Variants in GALNT13 observed in about 807,000 individuals in gnomAD.
The protein encoded by GALNT13 is UDP-GalNAc:polypeptide N-acetylgalactosaminyltransferase 13.
In GALNT13, 28 loss-of-function variants were observed where a neutral mutation model predicts 64.2. The observed-to-expected ratio is 0.44, with a 90% CI of 0.32 to 0.60. The LOEUF is 0.60. GALNT13 is among the 20% of genes least tolerant of loss of function. The probability of loss-of-function intolerance (pLI) is 0.05; values close to 1 mark genes in which losing one functional copy is unlikely to be tolerated. For synonymous variants in GALNT13, 214 were observed against 224.6 expected, an observed-to-expected ratio of 0.95 and a Z score of 0.42; for missense variants, 577 against 669.8, an observed-to-expected ratio of 0.86 and a Z score of 1.53.
the GALNT13 span, among the ~76,000 whole-genome samples, chr2:153,107,903 T>G: frequency 2.0e-5 from 3 of 152,148 alleles, no homozygotes; most frequent in Non-Finnish European, 4.4e-5. Flanking sequence ...GGTAATTGTT[T>G]ATAAGTTAAA....
intron 1 of GALNT13, among the ~76,000 whole-genome samples, chr2:153,885,255 G>T (rs564538244): frequency 7.7e-4 from 117 of 151,910 alleles, no homozygotes; most frequent in Non-Finnish European, 1.4e-3. Flanking sequence ...TTAGACTAAA[G>T]GTGTTCATTG....
chr2:154,206,261 A>G (rs1399192337), intron 4 of GALNT13, among the ~76,000 whole-genome samples: 5 of 151,730 alleles, frequency 3.3e-5, no homozygotes, highest in Non-Finnish European at 5.9e-5. Context: ...TCGGCCTCCC[A>G]AAGTGCTGGG....
At chr2:154,185,982 G>A (rs1255971090) in intron 4 of GALNT13, among the ~76,000 whole-genome samples, 2 of 151,862 alleles carry the variant, frequency 1.3e-5, no homozygotes, top group African/African-American at 2.4e-5. Context: ...TCCAAATATA[G>A]CATATTTCAT....
chr2:153,959,793 C>T (rs67932773), intron 3 of GALNT13, among the ~76,000 whole-genome samples: 8,575 of 152,202 alleles, frequency 0.056, 352 homozygotes, highest in South Asian at 0.11. Context: ...GTCAGAGAGG[C>T]GGGCCCCACA....
At chr2:154,143,324 A>T (rs989976227) in intron 4 of GALNT13, among the ~76,000 whole-genome samples, 1 of 152,078 alleles carries the variant, frequency 6.6e-6, no homozygotes, top group African/African-American at 2.4e-5. Flanking sequence ...GGTTCCTATA[A>T]CAGGCCAGGA....
the GALNT13 span, among the ~76,000 whole-genome samples, chr2:153,114,291 C>T: frequency 3.3e-5 from 5 of 152,094 alleles, no homozygotes; most frequent in African/African-American, 1.2e-4. Flanking sequence ...TTTTCTCTCC[C>T]TGAGGCTGCT....
intron 8 of GALNT13, among the ~76,000 whole-genome samples, chr2:154,271,076 G>C (rs890724551): frequency 2.0e-5 from 3 of 151,846 alleles, no homozygotes; most frequent in East Asian, 1.9e-4. Context: ...TTAGTGGCTG[G>C]TCATGAAAAC....
chr2:154,318,841 C>T, intron 9 of GALNT13, among the ~76,000 whole-genome samples: 1 of 151,980 alleles, frequency 6.6e-6, no homozygotes, highest in South Asian at 2.1e-4. Context: ...TTGTACATGC[C>T]TCTACATTTT....
the GALNT13 span, among the ~76,000 whole-genome samples, chr2:153,702,497 G>T: frequency 6.6e-6 from 1 of 151,982 alleles, no homozygotes; most frequent in African/African-American, 2.4e-5. Context: ...AAGAGCTTAG[G>T]CCCGTATGGT....
the GALNT13 span, among the ~76,000 whole-genome samples, chr2:153,109,835 G>A: frequency 2.0e-5 from 3 of 152,020 alleles, no homozygotes; most frequent in Non-Finnish European, 4.4e-5. Context: ...GAGCTGTATC[G>A]GGTTTGAAAG....
At chr2:153,543,711 A>G in the GALNT13 span, among the ~76,000 whole-genome samples, 1 of 151,962 alleles carries the variant, frequency 6.6e-6, no homozygotes, top group Admixed American at 6.5e-5. Flanking sequence ...TTGTCAAAAC[A>G]GTACAAGAAA....
chr2:153,098,554 A>C, the GALNT13 span, among the ~76,000 whole-genome samples: 1 of 152,180 alleles, frequency 6.6e-6, no homozygotes, highest in Non-Finnish European at 1.5e-5. Flanking sequence ...TGTATTTTTC[A>C]TGACTTAAAA....
At chr2:154,423,889 G>A (rs889226542) in intron 11 of GALNT13, among the ~76,000 whole-genome samples, 1 of 152,144 alleles carries the variant, frequency 6.6e-6, no homozygotes, top group African/African-American at 2.4e-5. Context: ...TATAATGTGA[G>A]TCATAGTGAT....
At chr2:153,871,340 A>G (rs548145081), upstream of GALNT13, among the ~76,000 whole-genome samples, 10 of 152,286 alleles carry the variant, frequency 6.6e-5, no homozygotes, top group East Asian at 1.9e-3. Context: ...CGCCAACCAG[A>G]ACACTAGGAT....
chr2:153,163,928 G>T, the GALNT13 span, among the ~76,000 whole-genome samples: 1 of 151,004 alleles, frequency 6.6e-6, no homozygotes, highest in Admixed American at 6.6e-5. Context: ...TGAGGCAGGA[G>T]AATGGCGTGA....
chr2:153,151,582 A>T, the GALNT13 span, among the ~76,000 whole-genome samples: 10 of 152,286 alleles, frequency 6.6e-5, no homozygotes, highest in African/African-American at 1.9e-4. Flanking sequence ...AATCAACCCA[A>T]ATGTCCAACA....
chr2:154,079,265 A>G (rs1701148214), intron 3 of GALNT13, among the ~76,000 whole-genome samples: 1 of 151,612 alleles, frequency 6.6e-6, no homozygotes, highest in Admixed American at 6.6e-5. Context: ...ATGGTATGGG[A>G]TATCATTAAA....
chr2:154,326,380 A>C (rs1158571146), intron 9 of GALNT13, among the ~76,000 whole-genome samples: 1 of 152,024 alleles, frequency 6.6e-6, no homozygotes, highest in African/African-American at 2.4e-5. Flanking sequence ...ACAATAAATA[A>C]TATTTTAATG....
At chr2:153,578,141 CAT>C in the GALNT13 span, among the ~76,000 whole-genome samples, 2 of 152,084 alleles carry the variant, frequency 1.3e-5, no homozygotes, top group African/African-American at 4.8e-5. Context: ...ACCATCACAA[CAT>C]ATATGCGATA....
Sources: allele counts gnomAD v4.1 joint callset (sites outside exome capture counted in the v4.1 genomes callset), GRCh38; gene constraint gnomAD v4.1.1; transcripts MANE v1.5; gene names NCBI Gene and HGNC (gene_info 2026-07-23, HGNC 2026-07-21).